Variants in SCFD2 observed in about 807,000 individuals in gnomAD.
The protein encoded by SCFD2 is sec1 family domain-containing protein 2.
Under a neutral mutation model 58.9 loss-of-function variants are expected in SCFD2, and 54 were observed. The ratio of observed to expected loss-of-function variants is 0.92; its 90% CI spans 0.74 to 1.15. The LOEUF (loss-of-function observed/expected upper bound fraction) is 1.15, where lower values mean the gene tolerates loss of function less well. SCFD2 is among the 50% of genes most tolerant of loss of function. The pLI, the probability that SCFD2 is intolerant of heterozygous loss-of-function variation, is 0.00. For missense variants in SCFD2, 805 were observed against 836.6 expected, an observed-to-expected ratio of 0.96 and a Z score of 0.47; for synonymous variants, 321 against 335.9, an observed-to-expected ratio of 0.96 and a Z score of 0.49.
intron 5 of SCFD2, among the ~76,000 whole-genome samples, chr4:53,094,544 T>A (rs1488403087): frequency 6.6e-6 from 1 of 151,992 alleles, no homozygotes; most frequent in Non-Finnish European, 1.5e-5. Flanking sequence ...CAAATACAGT[T>A]CCATTTTGAG....
chr4:53,330,873 C>T (rs553632568), intron 2 of SCFD2, among the ~76,000 whole-genome samples: 14 of 151,966 alleles, frequency 9.2e-5, no homozygotes, highest in South Asian at 4.2e-4. Context: ...GAGACACACA[C>T]AGGCTCAAAA....
chr4:52,948,545 A>G (rs1487144218), intron 5 of SCFD2: 1 of 455,830 alleles, frequency 2.2e-6, no homozygotes, highest in African/African-American at 2.0e-5. Context: ...GTACAGAACT[A>G]AACAAATGTA....
At chr4:52,928,611 C>T (rs1719915767) in intron 5 of SCFD2, among the ~76,000 whole-genome samples, 1 of 152,180 alleles carries the variant, frequency 6.6e-6, no homozygotes, top group Non-Finnish European at 1.5e-5. Context: ...GGCTCCCCGA[C>T]TATGCTGATC....
intron 5 of SCFD2, among the ~76,000 whole-genome samples, chr4:53,042,955 G>C (rs377040931): frequency 7.4e-4 from 112 of 152,014 alleles, no homozygotes; most frequent in African/African-American, 2.7e-3. Context: ...TCTGTTTTTT[G>C]GAAAAGGGAA....
At chr4:53,363,863 G>A (rs1228233813) in intron 1 of SCFD2, among the ~76,000 whole-genome samples, 2 of 149,032 alleles carry the variant, frequency 1.3e-5, no homozygotes, top group African/African-American at 2.5e-5. Flanking sequence ...TACTGAAGAT[G>A]TAAAGAGCTG....
chr4:53,303,987 G>T (rs1400028190), intron 3 of SCFD2, among the ~76,000 whole-genome samples: 1 of 150,236 alleles, frequency 6.7e-6, no homozygotes, highest in Non-Finnish European at 1.5e-5. Context: ...AGCATTAGGA[G>T]ATATATCTAA....
At chr4:53,223,966 A>G (rs1165053180) in intron 4 of SCFD2, among the ~76,000 whole-genome samples, 1 of 152,234 alleles carries the variant, frequency 6.6e-6, no homozygotes, top group Non-Finnish European at 1.5e-5. Flanking sequence ...AGATGGTCAT[A>G]AATTCTTTGC....
chr4:52,898,986 GT>G (rs1436220789), intron 7 of SCFD2, among the ~76,000 whole-genome samples: 1 of 151,632 alleles, frequency 6.6e-6, no homozygotes, highest in African/African-American at 2.4e-5. Flanking sequence ...GCCTTTTTTT[GT>G]TTTCCATTTG....
At chr4:53,198,092 T>C (rs1189431646) in intron 4 of SCFD2, among the ~76,000 whole-genome samples, 2 of 152,070 alleles carry the variant, frequency 1.3e-5, no homozygotes. Flanking sequence ...AACATATAGA[T>C]ATATAATGGC....
chr4:53,247,969 C>A (rs972834364), intron 4 of SCFD2, among the ~76,000 whole-genome samples: 3 of 151,742 alleles, frequency 2.0e-5, no homozygotes, highest in East Asian at 3.9e-4. Flanking sequence ...CCAGCGTGAG[C>A]GATGCAAAAG....
chr4:53,170,666 C>T (rs368990125), intron 4 of SCFD2, among the ~76,000 whole-genome samples: 96 of 152,238 alleles, frequency 6.3e-4, no homozygotes, highest in African/African-American at 1.8e-3. Context: ...AATACATGAG[C>T]GTGAAATAAT....
chr4:53,042,502 G>C (rs1262589014), intron 5 of SCFD2, among the ~76,000 whole-genome samples: 2 of 152,090 alleles, frequency 1.3e-5, no homozygotes, highest in Non-Finnish European at 2.9e-5. Flanking sequence ...AGAGAAAAAG[G>C]AAATATGTAC....
At position 53,296,534 on chromosome 4, in the gene SCFD2, C is replaced by T. The variant is rs1378801871; in HGVS notation, c.1135+17102G>A. Among the ~76,000 whole-genome samples, 6 of 152,038 alleles carry T rather than the reference C, an allele frequency of 3.9e-5. No individual in the cohort carries two copies. In the South Asian group the frequency reaches 1.2e-3, roughly 32 times the overall value. On this transcript the variant is annotated intron_variant, in intron 3 of 8. Coordinates refer to ENST00000401642, the MANE Select transcript of SCFD2 (RefSeq NM_152540.4). ...CTATTTGATTCTTCTCTCTTTTCTT[C>T]TTTGTTAGTCTGCCTAGCGGTCTAT...
At chr4:53,279,046 C>A (rs1367037702) in intron 3 of SCFD2, among the ~76,000 whole-genome samples, 1 of 152,066 alleles carries the variant, frequency 6.6e-6, no homozygotes, top group Non-Finnish European at 1.5e-5. Flanking sequence ...AAACAGCAAG[C>A]AACTAGACAA....
intron 2 of SCFD2, among the ~76,000 whole-genome samples, chr4:53,347,282 G>T (rs905358833): frequency 1.3e-4 from 20 of 152,146 alleles, no homozygotes; most frequent in African/African-American, 4.3e-4. Context: ...TAGTCAAGTA[G>T]CCTCACTTCA....
intron 4 of SCFD2, among the ~76,000 whole-genome samples, chr4:53,182,610 A>G (rs1459259852): frequency 2.0e-5 from 3 of 152,238 alleles, no homozygotes; most frequent in African/African-American, 4.8e-5. Flanking sequence ...CTTCATGTCT[A>G]AAACATCGAA....
chr4:53,012,454 T>A (rs557163437), intron 5 of SCFD2, among the ~76,000 whole-genome samples: 113 of 152,102 alleles, frequency 7.4e-4, no homozygotes, highest in Non-Finnish European at 1.5e-3. Context: ...AATAGGTTGG[T>A]CCTCTGTGAA....
At chr4:52,918,074 C>T (rs566573997) in intron 6 of SCFD2, among the ~76,000 whole-genome samples, 1 of 152,288 alleles carries the variant, frequency 6.6e-6, no homozygotes, top group Non-Finnish European at 1.5e-5. Flanking sequence ...CACTCTCCCA[C>T]GTGACCAGGG....
chr4:53,018,352 C>A (rs531506529), intron 5 of SCFD2, among the ~76,000 whole-genome samples: 2 of 152,290 alleles, frequency 1.3e-5, no homozygotes, highest in African/African-American at 4.8e-5. Flanking sequence ...AACATGTACA[C>A]CCAGAAAAAG....
Sources: allele counts gnomAD v4.1 joint callset (sites outside exome capture counted in the v4.1 genomes callset), GRCh38; gene constraint gnomAD v4.1.1; transcripts MANE v1.5; gene names NCBI Gene and HGNC (gene_info 2026-07-23, HGNC 2026-07-21).